The following DHDDS variants were observed in gnomAD, a reference collection of about 807,000 sequenced individuals.
DHDDS encodes dehydrodolichyl diphosphate synthase complex subunit DHDDS.
A neutral mutation model predicts 46.2 loss-of-function variants in DHDDS; 16 were observed. The observed-to-expected ratio is 0.35, with a 90% confidence interval of 0.23 to 0.53. DHDDS has a LOEUF of 0.53. Ranked by LOEUF, DHDDS falls within the 20% of genes least tolerant of loss-of-function variation. The pLI is 0.94. For missense variants in DHDDS, 340 were observed against 423.7 expected (o/e 0.80, Z 1.73); for synonymous variants, 151 against 163.1 (o/e 0.93, Z 0.56).
chr1:26,444,511 G>A (rs1237906451), intron 4 of DHDDS, among the ~76,000 whole-genome samples: 1 of 152,150 alleles, frequency 6.6e-6, no homozygotes, highest in Non-Finnish European at 1.5e-5. Context: ...AGCCAAGGAG[G>A]GTACATTGCT....
intron 8 of DHDDS, 24 bp from the exon 9 acceptor site, chr1:26,468,871 C>T: frequency 6.2e-7 from 1 of 1,613,664 alleles, no homozygotes. Flanking sequence ...TCTCCCCACC[C>T]CAATCCCCAC....
At chr1:26,443,028 T>G in intron 4 of DHDDS, 155 bp downstream of exon 4, 1 of 1,322,232 alleles carries the variant, frequency 7.6e-7, no homozygotes. Context: ...AAATACAAGA[T>G]AGTCTTTCAT....
At chr1:26,468,826 TCC>T in intron 8 of DHDDS, 67 bp from the exon 9 acceptor site, 1 of 532,184 alleles carries the variant, frequency 1.9e-6, no homozygotes, top group East Asian at 6.0e-5. Context: ...ACCCCCTACC[TCC>T]TCCATCCCAG....
intron 6 of DHDDS, among the ~76,000 whole-genome samples, chr1:26,455,456 G>T (rs985102181): frequency 6.6e-6 from 1 of 151,990 alleles, no homozygotes; most frequent in Non-Finnish European, 1.5e-5. Context: ...TGAGAGAGAT[G>T]AGCAACTTGG....
At chr1:26,437,951 C>T (rs2075177995) in intron 2 of DHDDS, among the ~76,000 whole-genome samples, 1 of 152,050 alleles carries the variant, frequency 6.6e-6, no homozygotes, top group Non-Finnish European at 1.5e-5. Flanking sequence ...ATTGCATTCC[C>T]ACCTGGGTGA....
In DHDDS at chr1:26,438,227, G is replaced by C; in HGVS notation, c.123G>C (p.Lys41Asn). Reference sequence around the variant, plus strand: ...TGGACGGGAACCGTCGCTATGCCAAGAAGTGCCAGGTGGAGCGGCAGGAAG... The same window carrying C: ...TGGACGGGAACCGTCGCTATGCCAACAAGTGCCAGGTGGAGCGGCAGGAAG... ...FIMDGNRRYAKKCQVERQEGH... is the reference protein window; with the variant it reads ...FIMDGNRRYANKCQVERQEGH... The change falls in exon 3 of 9, where the codon AAG (lysine) becomes AAC (asparagine). Residue 41 changes from lysine to asparagine, a missense_variant. Lys to Asn is a moderately conservative substitution (Grantham distance 94). Around this residue, in one of 2 missense-constraint regions of DHDDS, gnomAD observed 72 missense variants for 123.5 expected, o/e 0.58. Transcript: ENST00000236342. 1 of 1,614,102 alleles carries C rather than the reference G, an allele frequency of 6.2e-7. No individual in the cohort carries two copies. The highest frequency in any genetic ancestry group is 8.5e-7 in the Non-Finnish European group (1 of 1,179,954).
At chr1:26,446,558 A>G in intron 5 of DHDDS, 126 bp downstream of exon 5, 1 of 841,756 alleles carries the variant, frequency 1.2e-6, no homozygotes, top group Non-Finnish European at 2.0e-6. Flanking sequence ...TAGGTTGAGC[A>G]GCTTAGAGAC....
In DHDDS at chr1:26,442,859, C is replaced by T. The variant is rs545547217; in HGVS notation, c.309C>T (p.Arg103=). The T allele has an allele frequency of 1.2e-6, 2 of 1,614,090 alleles. No homozygotes were observed. The highest frequency in any genetic ancestry group is 1.1e-5 in the South Asian group (1 of 91,082). Residue 103 remains arginine, a synonymous_variant, in exon 4 of 9, where the codon CGC becomes CGT. Coordinates refer to ENST00000236342, the MANE Select transcript of DHDDS (RefSeq NM_205861.3). ...LMDLARQKFS[R]LMEEKEKLQK... ...ATCTGGCCCGGCAGAAGTTCAGCCG[C>T]TTGATGGAAGAAAAGTAAGATGCTA...
chr1:26,436,127 A>G (rs779798202), intron 2 of DHDDS, among the ~76,000 whole-genome samples: 30 of 150,680 alleles, frequency 2.0e-4, no homozygotes, highest in Non-Finnish European at 3.1e-4. Context: ...GCCAGACACG[A>G]TGGTTCAAAC....
chr1:26,435,026 T>C (rs1406074781), intron 2 of DHDDS, among the ~76,000 whole-genome samples: 1 of 151,732 alleles, frequency 6.6e-6, no homozygotes. Flanking sequence ...ATTTTTTTTT[T>C]TCAGACAGAG....
intron 8 of DHDDS, among the ~76,000 whole-genome samples, chr1:26,461,828 A>G (rs2445640): frequency 0.89 from 134,756 of 152,224 alleles, 59,869 homozygotes; most frequent in East Asian, 1. Flanking sequence ...TGAGGAAATT[A>G]AAAGAAGTTT....
At chr1:26,468,806 C>T in intron 8 of DHDDS, 89 bp from the exon 9 acceptor site, 2 of 1,163,936 alleles carry the variant, frequency 1.7e-6, no homozygotes, top group Non-Finnish European at 2.4e-6. Context: ...CTTGGCCCAC[C>T]CTGTGCCCCA....
chr1:26,435,781 ATT>A (rs1052231730), intron 2 of DHDDS, among the ~76,000 whole-genome samples: 8 of 151,720 alleles, frequency 5.3e-5, no homozygotes, highest in African/African-American at 1.9e-4. Context: ...CACCTGGCTA[ATT>A]TTTGTATTTT....
Position 26,443,229 on chromosome 1 carries a change from G to C in DHDDS, c.323+356G>C, listed in dbSNP as rs185011097. 3.9e-4 allele frequency: 112 copies of C among 289,782 alleles called. No individual in the cohort carries two copies. In the Admixed American group the frequency reaches 5.3e-3, roughly 14 times the overall value. The allele number at this position is 289,782 out of a possible 1,614,324, so 18.0% of individuals were successfully genotyped here. ...AGACCAGTTTTCTCTTGCTTCAAAA[G>C]AGCAGCCTGGAATCAATAAAATCCC... On this transcript the variant is annotated intron_variant, in intron 4 of 8. Transcript: ENST00000236342.
intron 5 of DHDDS, among the ~76,000 whole-genome samples, chr1:26,446,954 A>G (rs1201032245): frequency 6.6e-6 from 1 of 152,044 alleles, no homozygotes; most frequent in African/African-American, 2.4e-5. Flanking sequence ...TCTCCTTCCT[A>G]TTTTCCTTTG....
At chr1:26,435,804 G>A (rs1410566591) in intron 2 of DHDDS, among the ~76,000 whole-genome samples, 10 of 151,620 alleles carry the variant, frequency 6.6e-5, no homozygotes, top group African/African-American at 1.9e-4. Context: ...TAGTAGAGAC[G>A]GGGTTTCACC....
At chr1:26,438,398 G>C in intron 3 of DHDDS, 114 bp downstream of exon 3, 1 of 975,686 alleles carries the variant, frequency 1.0e-6, no homozygotes, top group Non-Finnish European at 1.6e-6. Context: ...ATCTGTCTCT[G>C]TGTTTTATTG....
intron 8 of DHDDS, among the ~76,000 whole-genome samples, chr1:26,462,062 GT>G (rs754576508): frequency 1.2e-3 from 159 of 129,772 alleles, no homozygotes; most frequent in Middle Eastern, 3.9e-3. Context: ...GCTATTTTTT[GT>G]TTTTTTTTTT....
Position 26,437,270 on chromosome 1 carries a change from C to T in DHDDS, c.64-898C>T, listed in dbSNP as rs373280614. ...AATGAAGATAATACTATTTACTTTA[C>T]AGACTTGTATGATAAGATGAAGTAT... On this transcript the variant is annotated intron_variant, in intron 2 of 8. Transcript: ENST00000236342. 1.4e-3 allele frequency among the ~76,000 whole-genome samples: 209 copies of T among 152,264 alleles called. 7 individuals carry two copies. In the South Asian group the frequency reaches 0.042, roughly 30 times the overall value.
Sources: allele counts gnomAD v4.1 joint callset (sites outside exome capture counted in the v4.1 genomes callset), GRCh38; gene constraint gnomAD v4.1.1; regional missense constraint gnomAD v4.1.1; transcripts MANE v1.5; gene names NCBI Gene and HGNC (gene_info 2026-07-23, HGNC 2026-07-21).